Variants in GPD1 observed in about 807,000 individuals in gnomAD.
GPD1 encodes the protein glycerol-3-phosphate dehydrogenase 1, also known as glycerol-3-phosphate dehydrogenase [NAD(+)], cytoplasmic.
GPD1 carries 19 observed loss-of-function variants against 34.4 expected under a neutral mutation model. The observed-to-expected ratio is 0.55, with a 90% CI of 0.39 to 0.81. The LOEUF (loss-of-function observed/expected upper bound fraction) is 0.81. GPD1 is among the 30% of genes least tolerant of loss of function. The pLI, the probability that GPD1 is intolerant of heterozygous loss-of-function variation, is 0.00. For synonymous variants in GPD1, 172 were observed against 174.1 expected, an observed-to-expected ratio of 0.99 and a Z score of 0.09; for missense variants, 429 against 447.0, an observed-to-expected ratio of 0.96 and a Z score of 0.36.
At chr12:50,105,975 T>A (rs1351418929) in intron 3 of GPD1, 1 of 656,540 alleles carries the variant, frequency 1.5e-6, no homozygotes, top group African/African-American at 1.8e-5. Context: ...GTTTGAGAAG[T>A]GTGAAGAGTA....
At chr12:50,107,205 A>C in intron 5 of GPD1, 3 of 657,794 alleles carry the variant, frequency 4.6e-6, no homozygotes, top group Non-Finnish European at 8.4e-6. Context: ...GGACAAGGAG[A>C]TGCCCAGGCT....
At chr12:50,106,041 G>A (rs905095676) in intron 3 of GPD1, 12 of 621,630 alleles carry the variant, frequency 1.9e-5, no homozygotes, top group Middle Eastern at 2.5e-4. Flanking sequence ...GCAGTCAGGC[G>A]GGGTTGCCTA....
chr12:50,107,960 T>C (rs1372001054), intron 6 of GPD1, 64 bp from the exon 7 acceptor site: 4 of 1,126,990 alleles, frequency 3.5e-6, no homozygotes, highest in Non-Finnish European at 4.0e-6. Flanking sequence ...AGCTCCAGTC[T>C]CTCCACCCCC....
rs1224057510 is a variant in GPD1 at position 50,111,216 on chromosome 12, G to A, written c.*1697G>A. The A allele has an allele frequency of 1.3e-5, 2 of 152,196 alleles. No individual in the cohort carries two copies. The highest frequency in any genetic ancestry group is 2.9e-5 in the Non-Finnish European group (2 of 68,058). The allele number at this position is 152,196 out of a possible 1,614,324, so 9.4% of individuals were successfully genotyped here. A position where few individuals can be genotyped will look rare whatever the true frequency, so the allele number is the denominator to read the frequency against. On this transcript the variant is annotated 3_prime_UTR_variant, in exon 8 of 8. Transcript: ENST00000301149. The surrounding 1 kb of genome is among the most constrained non-coding windows in gnomAD (Gnocchi z 4.1). ...GGTGGGGGCAAAGGGGAAGCTTCAA[G>A]CACTTTGCCTACTTTTGTTCACTCC...
chr12:50,104,535 C>G (rs1950964362), intron 1 of GPD1, 39 bp from the exon 2 acceptor site: 1 of 1,544,980 alleles, frequency 6.5e-7, no homozygotes, highest in Admixed American at 1.7e-5. Context: ...TGCCACTGTT[C>G]CCTCCTCCTG....
In GPD1 at chr12:50,106,361, G is replaced by A. The variant is rs937038281; in HGVS notation, c.434G>A (p.Ser145Asn). The change falls in exon 4 of 8, where the codon AGT becomes AAT. Residue 145 changes from serine (S) to asparagine (N), a missense_variant. By Grantham distance (46) the Ser-to-Asn change is conservative. Coordinates refer to ENST00000301149, the MANE Select transcript of GPD1 (RefSeq NM_005276.4). ...VIGERLGIPMSVLMGANIASE... is the reference protein window; with the variant it reads ...VIGERLGIPMNVLMGANIASE... ...GGGGAGCGCCTCGGCATCCCCATGA[G>A]TGTGCTGATGGGGGCCAACATTGCC... 2 of 1,613,744 alleles carry A rather than the reference G, an allele frequency of 1.2e-6. No individual in the cohort carries two copies. Among genetic ancestry groups the A allele is most frequent in the Non-Finnish European group, 8.5e-7 (1 of 1,179,842 alleles).
chr12:50,106,837 A>C lies in GPD1; in HGVS notation c.532A>C (p.Lys178Gln), dbSNP rs1161223819. 1.2e-6 allele frequency: 2 copies of C among 1,610,300 alleles called. No individual in the cohort carries two copies. The highest frequency in any genetic ancestry group is 8.5e-7 in the Non-Finnish European group (1 of 1,177,010). Residue 178 changes from lysine to glutamine, a missense_variant, in exon 5 of 8, where the codon AAA becomes CAA. Lys to Gln is a moderately conservative substitution (Grantham distance 53). Coordinates refer to ENST00000301149, the MANE Select transcript of GPD1 (RefSeq NM_005276.4). ...CKDPAQGQLLKELMQTPNFRI... is the reference protein window; with the variant it reads ...CKDPAQGQLLQELMQTPNFRI... ...GGACCCGGCCCAGGGACAACTCCTG[A>C]AAGAGCTGATGCAGACACCAAACTT...
chr12:50,106,570 C>T, intron 4 of GPD1, 144 bp downstream of exon 4: 1 of 853,784 alleles, frequency 1.2e-6, no homozygotes, highest in East Asian at 2.7e-5. Context: ...CTGGGACACC[C>T]CCAGGGAAGG....
Position 50,107,556 on chromosome 12 carries a change from A to C in GPD1, c.613-11A>C, listed in dbSNP as rs1344810418. The C allele has an allele frequency of 6.2e-7, 1 of 1,606,924 alleles. No homozygotes were observed. The highest frequency in any genetic ancestry group is 1.1e-5 in the South Asian group (1 of 90,914). On this transcript the variant is annotated splice_polypyrimidine_tract_variant and intron_variant, in intron 5 of 7. Transcript: ENST00000301149. ...GGGTCTTTTCTCACCTATGACCTCC[A>C]CTCCTTCAAGAATGTAGTGGCCGTG... is the stretch of plus-strand genomic sequence containing the variant.
chr12:50,107,943 C>T (rs1317512462), intron 6 of GPD1, 81 bp from the exon 7 acceptor site: 2 of 1,031,202 alleles, frequency 1.9e-6, no homozygotes, highest in African/African-American at 3.1e-5. Context: ...GACCCCACTC[C>T]CATCTGAGCT....
At chr12:50,107,014 A>G (rs750856181) in intron 5 of GPD1, 97 bp downstream of exon 5, 2 of 767,318 alleles carry the variant, frequency 2.6e-6, no homozygotes, top group African/African-American at 1.7e-5. Context: ...GGCTCTCACT[A>G]TTGAGCAGTG....
Position 50,107,336 on chromosome 12 carries a change from G to A in GPD1, c.613-231G>A, listed in dbSNP as rs1034948400. The A allele has an allele frequency of 3.1e-5, 21 of 686,702 alleles. No homozygotes were observed. In the East Asian group the frequency reaches 5.3e-4, roughly 17 times the overall value. 42.5% of individuals were successfully genotyped at this position (686,702 alleles called of 1,614,324 possible). A position where few individuals can be genotyped will look rare whatever the true frequency, so the allele number is the denominator to read the frequency against. ...GTCATAGATGGGAAGATCAACTAGA[G>A]AGAAGAGTGGTTTTCAGAAAATGTC... is the stretch of plus-strand genomic sequence containing the variant. On this transcript the variant is annotated intron_variant, in intron 5 of 7. Coordinates refer to ENST00000301149, the MANE Select transcript of GPD1 (RefSeq NM_005276.4).
intron 5 of GPD1, 29 bp downstream of exon 5, chr12:50,106,946 G>A: frequency 7.4e-7 from 1 of 1,351,760 alleles, no homozygotes; most frequent in Non-Finnish European, 1.1e-6. Flanking sequence ...CAGCTATGGG[G>A]TGAGGAGAAG....
chr12:50,105,770 G>A (rs746237831), intron 3 of GPD1, 82 bp downstream of exon 3: 6 of 1,385,868 alleles, frequency 4.3e-6, no homozygotes, highest in Admixed American at 1.8e-5. Context: ...AAGGAGAACA[G>A]AAAATGGCAG....
At chr12:50,108,190 T>C (rs559791641) in intron 7 of GPD1, 60 bp downstream of exon 7, 2 of 913,094 alleles carry the variant, frequency 2.2e-6, no homozygotes, top group East Asian at 5.1e-5. Context: ...GCTCGCCCTG[T>C]TCATCATCTT....
At chr12:50,105,709 TGGATGGG>T in intron 3 of GPD1, 21 bp downstream of exon 3, 2 of 1,611,956 alleles carry the variant, frequency 1.2e-6, no homozygotes, top group Non-Finnish European at 1.7e-6. Context: ...CACCTTCATG[TGGATGGG>T]GGAGGGTGCG....
chr12:50,106,188 G>C (rs1950976757), intron 3 of GPD1, 100 bp from the exon 4 acceptor site: 2 of 1,100,838 alleles, frequency 1.8e-6, no homozygotes, highest in East Asian at 5.1e-5. Flanking sequence ...TGTCGGGAGG[G>C]ACACAGATGA....
rs1565746513 is a variant in GPD1 at position 50,104,720 on chromosome 12, A to G, written c.188A>G (p.Tyr63Cys). The stretch of plus-strand genomic sequence containing the variant: ...AACACGCAGCATGAGAATGTCAAAT[A>G]CCTGCCAGGGCACAAGTTGCCCCCA... The part of the protein sequence containing the change: ...IINTQHENVK[Y>C]LPGHKLPPNV... Residue 63 changes from tyrosine to cysteine, a missense_variant, in exon 2 of 8, where the codon TAC becomes TGC. Coordinates refer to ENST00000301149, the MANE Select transcript of GPD1 (RefSeq NM_005276.4). 1 of 1,614,150 alleles carries G rather than the reference A, an allele frequency of 6.2e-7. No individual in the cohort carries two copies. Among genetic ancestry groups the G allele is most frequent in the Non-Finnish European group, 8.5e-7 (1 of 1,180,002 alleles).
At chr12:50,104,318 G>T in intron 1 of GPD1, 1 of 703,318 alleles carries the variant, frequency 1.4e-6, no homozygotes, top group Non-Finnish European at 2.6e-6. Context: ...CTCTCTATGT[G>T]AAGAGCCGCT....
Sources: gnomAD v4.1 joint callset for allele counts on GRCh38, gnomAD v4.1.1 for gene constraint, Gnocchi (gnomAD v3.1) non-coding constraint, MANE v1.5 for transcripts, NCBI Gene and HGNC (gene_info 2026-07-23, HGNC 2026-07-21) for gene names.